Variants in NFASC observed in about 807,000 individuals in gnomAD.
NFASC encodes neurofascin, also known as neurofascin homolog.
In NFASC, 43 loss-of-function variants were observed where a neutral mutation model predicts 147.5. That is an observed-to-expected ratio of 0.29 (90% CI 0.23 to 0.38). The LOEUF (loss-of-function observed/expected upper bound fraction) is 0.38, where lower values mean the gene tolerates loss of function less well. NFASC is among the 10% of genes least tolerant of loss of function. The probability of loss-of-function intolerance (pLI) is 1.00; values close to 1 mark genes in which losing one functional copy is unlikely to be tolerated. For synonymous variants in NFASC, 622 were observed against 665.5 expected (o/e 0.93, Z 1.01); for missense variants, 1,320 against 1,689.0 (o/e 0.78, Z 3.83).
At chr1:204,946,062 A>G (rs1185064002) in intron 3 of NFASC, among the ~76,000 whole-genome samples, 1 of 152,166 alleles carries the variant, frequency 6.6e-6, no homozygotes, top group Non-Finnish European at 1.5e-5. Flanking sequence ...CCAAGCAGTC[A>G]GGCTCTCCAA....
At chr1:204,906,394 A>G (rs896620634) in intron 1 of NFASC, among the ~76,000 whole-genome samples, 2 of 152,194 alleles carry the variant, frequency 1.3e-5, no homozygotes, top group Admixed American at 1.3e-4. Flanking sequence ...AACTCTGGAT[A>G]ACCACTCATC....
At position 205,016,729 on chromosome 1, in the gene NFASC, C is replaced by A. The variant is rs2096365593; in HGVS notation, c.*190C>A. On this transcript the variant is annotated 3_prime_UTR_variant, in exon 30 of 30. Coordinates refer to ENST00000339876, the MANE Select transcript of NFASC (RefSeq NM_001005388.3). This position sits in a 1 kb window ranked among gnomAD's most constrained non-coding sequence, Gnocchi z 5.1. ...AAGCCCCCTCCCAATGACCCCCCTTCAGCCCCGGGTGCCACCAGTGTGGGA... is the reference window on the plus strand; with the variant it reads ...AAGCCCCCTCCCAATGACCCCCCTTAAGCCCCGGGTGCCACCAGTGTGGGA... The A allele has an allele frequency of 6.1e-6, 4 of 660,606 alleles. No homozygotes were observed. In the South Asian group the frequency reaches 6.3e-5, roughly 10 times the overall value. 40.9% of individuals were successfully genotyped at this position (660,606 alleles called of 1,614,324 possible).
At chr1:205,002,520 G>A (rs2096011672) in intron 26 of NFASC, 76 bp from the exon 27 acceptor site, 5 of 1,234,386 alleles carry the variant, frequency 4.1e-6, no homozygotes, top group Non-Finnish European at 4.3e-6. Context: ...ACCTTTGACA[G>A]GTGACCAGGA....
chr1:204,850,440 A>G (rs1439195009), intron 1 of NFASC, among the ~76,000 whole-genome samples: 8 of 152,094 alleles, frequency 5.3e-5, no homozygotes, highest in Admixed American at 5.2e-4. Flanking sequence ...AACACTGCCA[A>G]CTGCAGTGGT....
chr1:204,977,636 T>C (rs6663324), intron 16 of NFASC, 45 bp from the exon 17 acceptor site: 168,122 of 1,590,296 alleles, frequency 0.11, 10,087 homozygotes, highest in African/African-American at 0.24. Context: ...ACACCTTTAA[T>C]GCTGGATAAC....
In NFASC at chr1:204,954,349, C is replaced by T. The variant is rs770085499; in HGVS notation, c.377C>T (p.Thr126Met). 45 of 1,614,016 alleles carry T rather than the reference C, an allele frequency of 2.8e-5. No individual in the cohort carries two copies. The Admixed American group carries it at 3.2e-4, about 11-fold the overall frequency. ...YQCFARNKFG[T>M]ALSNRIRLQV... ...TGCTTCGCCCGCAACAAATTTGGCACGGCCCTGTCCAATAGGATCCGCCTG... is the reference window on the plus strand; with the variant it reads ...TGCTTCGCCCGCAACAAATTTGGCATGGCCCTGTCCAATAGGATCCGCCTG... The change falls in exon 6 of 30, where the codon ACG (threonine) becomes ATG (methionine). Residue 126 changes from threonine (T) to methionine (M), a missense_variant. Coordinates refer to ENST00000339876, the MANE Select transcript of NFASC (RefSeq NM_001005388.3). The surrounding 1 kb of genome is among the most constrained non-coding windows in gnomAD (Gnocchi z 5.7).
At chr1:204,858,978 C>CTTTTTTTT (rs56763796) in intron 1 of NFASC, among the ~76,000 whole-genome samples, 12 of 139,568 alleles carry the variant, frequency 8.6e-5, no homozygotes, top group African/African-American at 2.4e-4. Flanking sequence ...AATGCACTGA[C>CTTTTTTTT]TTTTTTTTTT....
At chr1:204,883,501 T>A (rs2080711519) in intron 1 of NFASC, among the ~76,000 whole-genome samples, 1 of 152,196 alleles carries the variant, frequency 6.6e-6, no homozygotes, top group Admixed American at 6.5e-5. Flanking sequence ...GTGGAGTATA[T>A]GTGCTCAGGA....
In NFASC at chr1:205,002,452, C is replaced by A. The variant is rs1459604678; in HGVS notation, c.3137-144C>A. The A allele has an allele frequency of 5.6e-6, 3 of 539,994 alleles. No individual in the cohort carries two copies. In the East Asian group the frequency reaches 1.0e-4, roughly 18 times the overall value. 33.5% of individuals were successfully genotyped at this position (539,994 alleles called of 1,614,324 possible). On this transcript the variant is annotated intron_variant, in intron 26 of 29. Coordinates refer to ENST00000339876, the MANE Select transcript of NFASC (RefSeq NM_001005388.3). ...GCATAGGGAAGCTGCCTGGAAACCTCCTGGTCTGTATGGTGGACTGGACCC... is the reference window on the plus strand; with the variant it reads ...GCATAGGGAAGCTGCCTGGAAACCTACTGGTCTGTATGGTGGACTGGACCC...
intron 1 of NFASC, among the ~76,000 whole-genome samples, chr1:204,914,170 C>T (rs186269551): frequency 1.9e-4 from 29 of 152,236 alleles, no homozygotes; most frequent in African/African-American, 7.0e-4. Flanking sequence ...AAGAATCAAC[C>T]AACTGCCCAG....
rs564095378 is a variant in NFASC at position 204,969,245 on chromosome 1, G to A, written c.1003+263G>A. Among the ~76,000 whole-genome samples the A allele has an allele frequency of 3.9e-5, 6 of 152,284 alleles. No homozygotes were observed. The South Asian group carries it at 1.2e-3, about 32-fold the overall frequency. On this transcript the variant is annotated intron_variant, in intron 10 of 29. Coordinates refer to ENST00000339876, the MANE Select transcript of NFASC (RefSeq NM_001005388.3). Reference sequence around the variant, plus strand: ...CTTGGTGCCAGCGCTCCCTCAGCGGGTGAATTTCCTCCCACGGCCCATTTG... The same window carrying A: ...CTTGGTGCCAGCGCTCCCTCAGCGGATGAATTTCCTCCCACGGCCCATTTG...
intron 1 of NFASC, among the ~76,000 whole-genome samples, chr1:204,919,639 T>C (rs183418987): frequency 3.4e-4 from 51 of 152,164 alleles, no homozygotes; most frequent in Middle Eastern, 3.4e-3. Context: ...GACACTTTTT[T>C]TGGGGGGCAG....
intron 1 of NFASC, among the ~76,000 whole-genome samples, chr1:204,907,872 C>G (rs1188111788): frequency 1.3e-5 from 2 of 152,096 alleles, no homozygotes; most frequent in Non-Finnish European, 1.5e-5. Context: ...GGAGAAATAG[C>G]TTTTAAATAC....
At chr1:204,857,919 C>CTTTTTTTTTTT (rs58996261) in intron 1 of NFASC, among the ~76,000 whole-genome samples, 1 of 122,590 alleles carries the variant, frequency 8.2e-6, no homozygotes, top group Non-Finnish European at 1.6e-5. Context: ...TCTTCTTCTT[C>CTTTTTTTTTTT]TTTTTTTTTT....
chr1:204,957,009 A>T (rs145651685), intron 7 of NFASC, among the ~76,000 whole-genome samples: 2 of 152,336 alleles, frequency 1.3e-5, no homozygotes, highest in Non-Finnish European at 2.9e-5. Context: ...TTGAAATCAG[A>T]TTTAACATCT....
intron 1 of NFASC, among the ~76,000 whole-genome samples, chr1:204,919,296 A>T (rs1457635206): frequency 1.3e-5 from 2 of 152,182 alleles, no homozygotes; most frequent in Non-Finnish European, 2.9e-5. Flanking sequence ...AAGTGCTAGG[A>T]TTACAGGCGT....
In NFASC at chr1:204,997,204, G is replaced by A. The variant is rs542519076; in HGVS notation, c.2817G>A (p.Ala939=). 4.6e-5 allele frequency: 74 copies of A among 1,613,544 alleles called. No individual in the cohort carries two copies. The highest frequency in any genetic ancestry group is 2.9e-4 in the South Asian group (26 of 91,072). ...PPTLPPTTVG[A]TGAVSSTDAT... ...CATTGCCCCCGACTACCGTGGGTGC[G>A]ACGGGCGCTGTGAGCAGTACCGATG... The change falls in exon 25 of 30, where the codon GCG becomes GCA. Residue 939 remains alanine (A), a synonymous_variant. Coordinates refer to ENST00000339876, the MANE Select transcript of NFASC (RefSeq NM_001005388.3).
In NFASC at chr1:204,911,090, A is replaced by G. The variant is rs554197620; in HGVS notation, c.-199-9542A>G. Among the ~76,000 whole-genome samples, 13 of 152,318 alleles carry G rather than the reference A, an allele frequency of 8.5e-5. No homozygotes were observed. In the East Asian group the frequency reaches 1.2e-3, roughly 14 times the overall value. On this transcript the variant is annotated intron_variant, in intron 1 of 29. Transcript: ENST00000339876. Reference sequence around the variant, plus strand: ...GTCTATTTTCTAAACGTTTTTTAAAAAATCACACTGAAGAAATTTCTCTCA... The same window carrying G: ...GTCTATTTTCTAAACGTTTTTTAAAGAATCACACTGAAGAAATTTCTCTCA...
chr1:204,970,052 GC>G (rs2095170694), intron 10 of NFASC, among the ~76,000 whole-genome samples: 1 of 145,108 alleles, frequency 6.9e-6, no homozygotes, highest in African/African-American at 2.6e-5. Flanking sequence ...CCCCAGCCTG[GC>G]GACAGAGCAA....
Sources: gnomAD v4.1 joint callset for allele counts (sites outside exome capture counted in the v4.1 genomes callset) on GRCh38, gnomAD v4.1.1 for gene constraint, Gnocchi (gnomAD v3.1) non-coding constraint, MANE v1.5 for transcripts, NCBI Gene and HGNC (gene_info 2026-07-23, HGNC 2026-07-21) for gene names.